TUT4: variants seen among roughly 807,000 people sequenced by gnomAD.
TUT4 encodes the protein terminal uridylyltransferase 4.
Under a neutral mutation model 192.2 loss-of-function variants are expected in TUT4, and 36 were observed. That is an observed-to-expected ratio of 0.19 (90% confidence interval 0.14 to 0.25). TUT4 has a LOEUF of 0.25. TUT4 is among the 10% of genes least tolerant of loss of function. TUT4 has a pLI of 1.00. For missense variants in TUT4, 1,493 were observed against 1,957.2 expected (o/e 0.76, Z 4.47); for synonymous variants, 618 against 666.0 (o/e 0.93, Z 1.11).
chr1:52,532,455 C>T lies in TUT4; in HGVS notation c.-93-6082G>A, dbSNP rs574358448. On this transcript the variant is annotated intron_variant, in intron 1 of 29. Transcript: ENST00000257177. ...GAGCCTCCCACCTCAGCCTCACAGG[C>T]ACACACGACCACACCTGGCAATTTT... Among the ~76,000 whole-genome samples the T allele has an allele frequency of 4.6e-5, 7 of 151,848 alleles. No homozygotes were observed. The East Asian group carries it at 1.4e-3, about 30-fold the overall frequency.
chr1:52,522,987 C>T (rs1254306754), intron 2 of TUT4, among the ~76,000 whole-genome samples: 5 of 89,580 alleles, frequency 5.6e-5, no homozygotes, highest in Admixed American at 1.7e-4. Context: ...CCTTAACTAT[C>T]TTTTTTTTTT....
chr1:52,484,869 G>A (rs1669397967), intron 9 of TUT4, among the ~76,000 whole-genome samples: 1 of 152,206 alleles, frequency 6.6e-6, no homozygotes, highest in Non-Finnish European at 1.5e-5. Context: ...CATGTGGCTA[G>A]CTATTACCCG....
intron 4 of TUT4, among the ~76,000 whole-genome samples, chr1:52,509,150 CCT>C (rs1336399869): frequency 2.6e-5 from 4 of 152,128 alleles, no homozygotes; most frequent in Non-Finnish European, 4.4e-5. Context: ...AGAAACCTCC[CCT>C]GTTCTAGATC....
At chr1:52,514,729 A>G (rs765374853) in intron 3 of TUT4, 1 of 151,690 alleles carries the variant, frequency 6.6e-6, no homozygotes, top group Admixed American at 6.6e-5. Flanking sequence ...CCTTGTAAGC[A>G]TATTTACAAA....
At chr1:52,468,520 T>A in intron 14 of TUT4, 1 of 361,658 alleles carries the variant, frequency 2.8e-6, no homozygotes, top group Non-Finnish European at 5.0e-6. Context: ...TTAAGATATA[T>A]GTACATTTCA....
chr1:52,549,409 C>T (rs1688855290), intron 1 of TUT4, among the ~76,000 whole-genome samples: 1 of 152,140 alleles, frequency 6.6e-6, no homozygotes, highest in South Asian at 2.1e-4. Flanking sequence ...GCATGTTATT[C>T]CCTAGGTCTG....
intron 11 of TUT4, among the ~76,000 whole-genome samples, chr1:52,479,748 A>T (rs1204641984): frequency 6.6e-6 from 1 of 152,128 alleles, no homozygotes; most frequent in Non-Finnish European, 1.5e-5. Context: ...TAATCCCAGC[A>T]CTTTGGGAGG....
chr1:52,461,681 T>C (rs991256949), intron 17 of TUT4, 31 bp downstream of exon 17: 1 of 1,543,374 alleles, frequency 6.5e-7, no homozygotes, highest in Non-Finnish European at 8.8e-7. Flanking sequence ...AAAATTTATT[T>C]TGTTTTACAG....
At chr1:52,436,654 C>A in intron 26 of TUT4, 101 bp downstream of exon 26, 1 of 1,538,652 alleles carries the variant, frequency 6.5e-7, no homozygotes. Context: ...CAAAATCATA[C>A]AATTAGGTTT....
chr1:52,544,413 A>T (rs533296247), intron 1 of TUT4, among the ~76,000 whole-genome samples: 11 of 152,332 alleles, frequency 7.2e-5, no homozygotes, highest in African/African-American at 2.4e-4. Flanking sequence ...ATTTTTAACA[A>T]GGATGACAAA....
chr1:52,495,404 C>T (rs1220911125), intron 6 of TUT4, 23 bp downstream of exon 6: 5 of 1,459,108 alleles, frequency 3.4e-6, no homozygotes, highest in Non-Finnish European at 4.8e-6. Flanking sequence ...AAGAACCACA[C>T]AGGAAAGATT....
At chr1:52,440,008 G>A (rs1655025370) in intron 24 of TUT4, among the ~76,000 whole-genome samples, 1 of 152,080 alleles carries the variant, frequency 6.6e-6, no homozygotes, top group Non-Finnish European at 1.5e-5. Flanking sequence ...TAAAATGAAA[G>A]AAGCCAGTTT....
At chr1:52,442,745 A>T (rs183535701) in intron 24 of TUT4, among the ~76,000 whole-genome samples, 4 of 152,336 alleles carry the variant, frequency 2.6e-5, no homozygotes, top group African/African-American at 9.6e-5. Flanking sequence ...AAGTTAGATA[A>T]ACTAGTATAT....
At chr1:52,436,590 T>G (rs1177896517) in intron 26 of TUT4, among the ~76,000 whole-genome samples, 165 bp downstream of exon 26, 1 of 152,134 alleles carries the variant, frequency 6.6e-6, no homozygotes, top group East Asian at 1.9e-4. Flanking sequence ...CAAGTACTAT[T>G]AAAAGTAAAA....
intron 1 of TUT4, among the ~76,000 whole-genome samples, chr1:52,549,903 C>G (rs1280952752): frequency 6.6e-6 from 1 of 152,110 alleles, no homozygotes; most frequent in Non-Finnish European, 1.5e-5. Flanking sequence ...TTATAGATAT[C>G]CAATGAGATG....
chr1:52,427,202 TATGATATGAATACTAAGAAA>T (rs1310932303), intron 28 of TUT4, among the ~76,000 whole-genome samples: 1 of 152,106 alleles, frequency 6.6e-6, no homozygotes, highest in African/African-American at 2.4e-5. Flanking sequence ...AGACAAATGT[TATGATATGAATACTAAGAAA>T]ATGAGGATTT....
intron 22 of TUT4, 91 bp downstream of exon 22, chr1:52,446,174 A>G: frequency 7.1e-7 from 1 of 1,403,824 alleles, no homozygotes; most frequent in African/African-American, 1.4e-5. Flanking sequence ...AAGAGGAAGA[A>G]TCTTCCAAAT....
At chr1:52,540,605 T>C (rs985626912) in intron 1 of TUT4, among the ~76,000 whole-genome samples, 2 of 152,168 alleles carry the variant, frequency 1.3e-5, no homozygotes, top group African/African-American at 2.4e-5. Context: ...TTTGTGAAGT[T>C]ACTATAATTA....
intron 15 of TUT4, among the ~76,000 whole-genome samples, chr1:52,465,999 A>T (rs1412399340): frequency 6.6e-6 from 1 of 151,632 alleles, no homozygotes; most frequent in East Asian, 1.9e-4. Context: ...TCCCACCTCA[A>T]CCTCCCAAGT....
Sources: gnomAD v4.1 joint callset for allele counts (sites outside exome capture counted in the v4.1 genomes callset) on GRCh38, gnomAD v4.1.1 for gene constraint, MANE v1.5 for transcripts, NCBI Gene and HGNC (gene_info 2026-07-23, HGNC 2026-07-21) for gene names.